Variants in ASB2 observed in about 807,000 individuals in gnomAD.
ASB2 encodes the protein ankyrin repeat and SOCS box containing 2, also known as ankyrin repeat and SOCS box protein 2.
A neutral mutation model predicts 62.4 loss-of-function variants in ASB2; 58 were observed. The ratio of observed to expected loss-of-function variants is 0.93; its 90% CI spans 0.75 to 1.16. The LOEUF (loss-of-function observed/expected upper bound fraction) is 1.16, where lower values mean the gene tolerates loss of function less well. Among genes scored for constraint, ASB2 ranks in the 50% most tolerant of loss-of-function variants. The pLI is 0.00. For synonymous variants in ASB2, 386 were observed against 385.3 expected (o/e 1.00, Z -0.02); for missense variants, 928 against 887.9 (o/e 1.05, Z -0.57).
intron 6 of ASB2, 75 bp from the exon 7 acceptor site, chr14:93,947,595 G>C (rs1457520740): frequency 2.0e-6 from 3 of 1,505,216 alleles, no homozygotes; most frequent in Non-Finnish European, 2.7e-6. Flanking sequence ...GCCACCGCGT[G>C]GTGGGCCTGC....
intron 7 of ASB2, 66 bp downstream of exon 7, chr14:93,947,282 TC>T (rs1888760962): frequency 1.9e-6 from 3 of 1,566,192 alleles, no homozygotes; most frequent in Non-Finnish European, 2.6e-6. Flanking sequence ...GGCCCACCCC[TC>T]CAATCCCCTA....
rs751939788 is a variant in ASB2, at chr14:93,953,301, C to A, written c.634+51G>T. 12 of 1,479,038 alleles carry A rather than the reference C, an allele frequency of 8.1e-6. No individual in the cohort carries two copies. The East Asian group carries it at 2.9e-4, about 36-fold the overall frequency. 91.6% of individuals were successfully genotyped at this position (1,479,038 alleles called of 1,614,324 possible). On this transcript the variant is annotated intron_variant, in intron 5 of 9. Coordinates refer to ENST00000555019, the MANE Select transcript of ASB2 (RefSeq NM_001202429.2). ...GGAGCAACATTCCCTGTTGCTCACC[C>A]AGCTTCTGGATTCTTCCGCAGGAAA...
intron 1 of ASB2, among the ~76,000 whole-genome samples, chr14:93,974,379 A>G (rs906371721): frequency 6.6e-6 from 1 of 152,252 alleles, no homozygotes; most frequent in African/African-American, 2.4e-5. Flanking sequence ...CTAAGGAAAG[A>G]GAACCACAGA....
At chr14:93,958,996 G>A (rs1205681304) in intron 2 of ASB2, among the ~76,000 whole-genome samples, 4 of 152,230 alleles carry the variant, frequency 2.6e-5, no homozygotes, top group Non-Finnish European at 5.9e-5. Flanking sequence ...GAGGTGGAGG[G>A]AGCTGGTGAT....
At chr14:93,962,153 C>T (rs1385255482) in intron 2 of ASB2, among the ~76,000 whole-genome samples, 1 of 100,446 alleles carries the variant, frequency 1.0e-5, no homozygotes, top group Non-Finnish European at 1.8e-5. Context: ...CTCGCTCTGT[C>T]GCCCAGGCTG....
At position 93,953,441 on chromosome 14, in the gene ASB2, C is replaced by T. The variant is rs1203594208; in HGVS notation, c.545G>A (p.Arg182Lys). 6.2e-7 allele frequency: 1 copy of T among 1,609,398 alleles called. No homozygotes were observed. Among genetic ancestry groups the T allele is most frequent in the East Asian group, 2.2e-5 (1 of 44,696 alleles). ...EETAVYLATC[R>K]GHLDCLLSLL... ...TGACAGGAGACAGTCCAGGTGGCCC[C>T]TGCACGTTGCCAAGTAAACGGCTGT... The change falls in exon 5 of 10, where the codon AGG (arginine) becomes AAG (lysine). Residue 182 changes from arginine (R) to lysine (K), a missense_variant. By Grantham distance (26) the Arg-to-Lys change is conservative. Coordinates refer to ENST00000555019, the MANE Select transcript of ASB2 (RefSeq NM_001202429.2).
chr14:93,957,143 C>T (rs1889254684), intron 2 of ASB2: 2 of 1,346,846 alleles, frequency 1.5e-6, no homozygotes, highest in Non-Finnish European at 1.9e-6. Context: ...ACCCCCCGGT[C>T]CCCCTCCCCA....
chr14:93,954,972 C>A, intron 3 of ASB2: 1 of 444,934 alleles, frequency 2.2e-6, no homozygotes. Flanking sequence ...AAATTTGAAG[C>A]CTTCACAGTT....
At chr14:93,942,325 TC>T (rs1447422018) in intron 7 of ASB2, 1 of 454,120 alleles carries the variant, frequency 2.2e-6, no homozygotes, top group African/African-American at 2.0e-5. Flanking sequence ...CCTTGTCCCC[TC>T]CCCAATGCAG....
In ASB2 at chr14:93,956,786, C is replaced by G; in HGVS notation, c.291G>C (p.Leu97Phe). 1.2e-6 allele frequency: 2 copies of G among 1,614,210 alleles called. No individual in the cohort carries two copies. The highest frequency in any genetic ancestry group is 4.5e-5 in the East Asian group (2 of 44,882). ...CTTACGCCAGCTGGGAGGTCTTGAACAAGCTGCTGCTGTATTTCTGCATGA... is the reference window on the plus strand; with the variant it reads ...CTTACGCCAGCTGGGAGGTCTTGAAGAAGCTGCTGCTGTATTTCTGCATGA... ...QGVMQKYSSS[L>F]FKTSQLAPAD... The change falls in exon 3 of 10, where the codon TTG (leucine) becomes TTC (phenylalanine). Residue 97 changes from leucine (L) to phenylalanine (F), a missense_variant. Transcript: ENST00000555019.
intron 3 of ASB2, among the ~76,000 whole-genome samples, chr14:93,956,521 G>GA (rs1325970310): frequency 1.4e-5 from 2 of 140,366 alleles, no homozygotes; most frequent in Admixed American, 7.0e-5. Flanking sequence ...GGGGGCATCT[G>GA]AGGGGGGGAT....
chr14:93,942,788 G>A (rs1888577206), intron 7 of ASB2, among the ~76,000 whole-genome samples: 1 of 152,226 alleles, frequency 6.6e-6, no homozygotes, highest in African/African-American at 2.4e-5. Context: ...GCCAGCGCAA[G>A]CATGTCACTT....
rs114562931 is a variant in ASB2, at chr14:93,953,563, A to G, written c.479-56T>C. The G allele has an allele frequency of 1.0e-3, 1,488 of 1,446,990 alleles. 13 individuals are homozygous for G. In the African/African-American group the frequency reaches 0.02, roughly 19 times the overall value. The allele number at this position is 1,446,990 out of a possible 1,614,324, so 89.6% of individuals were successfully genotyped here. A position where few individuals can be genotyped will look rare whatever the true frequency, so the allele number is the denominator to read the frequency against. On this transcript the variant is annotated intron_variant, in intron 4 of 9. Transcript: ENST00000555019. Reference sequence around the variant, plus strand: ...GGAGAAAGATACTCAGCCCCGCAACACAGAGGCTTTCCCGATTGCCTCCCA... The same window carrying G: ...GGAGAAAGATACTCAGCCCCGCAACGCAGAGGCTTTCCCGATTGCCTCCCA...
chr14:93,942,339 G>A (rs929773128), intron 7 of ASB2: 8 of 451,516 alleles, frequency 1.8e-5, no homozygotes, highest in Non-Finnish European at 3.6e-5. Flanking sequence ...CAATGCAGAG[G>A]CCACAACTAC....
intron 9 of ASB2, among the ~76,000 whole-genome samples, chr14:93,935,288 T>C (rs6575366): frequency 0.82 from 124,037 of 152,184 alleles, 50,843 homozygotes; most frequent in Middle Eastern, 0.93. Flanking sequence ...CGCCTCGAGC[T>C]CCAGAATCCC....
intron 6 of ASB2, among the ~76,000 whole-genome samples, chr14:93,947,942 C>T (rs546214615): frequency 2.1e-5 from 3 of 142,216 alleles, no homozygotes; most frequent in South Asian, 2.2e-4. Context: ...TGCAGTGAGC[C>T]GAGACTGCAC....
At chr14:93,975,101 C>T (rs1889876474) in intron 1 of ASB2, among the ~76,000 whole-genome samples, 1 of 152,280 alleles carries the variant, frequency 6.6e-6, no homozygotes, top group East Asian at 1.9e-4. Flanking sequence ...CTGTCTGCCT[C>T]ATGGTGCTTC....
At chr14:93,936,022 C>T (rs771666081) in intron 9 of ASB2, among the ~76,000 whole-genome samples, 1 of 152,168 alleles carries the variant, frequency 6.6e-6, no homozygotes, top group Non-Finnish European at 1.5e-5. Flanking sequence ...CCAGTTAGGA[C>T]ACTTTTTTAA....
At chr14:93,955,528 G>GT (rs1266861613) in intron 3 of ASB2, 1 of 182,222 alleles carries the variant, frequency 5.5e-6, no homozygotes, top group Non-Finnish European at 1.2e-5. Flanking sequence ...GAAAAGCCCA[G>GT]TGGGGGTATG....
Sources: allele counts gnomAD v4.1 joint callset (sites outside exome capture counted in the v4.1 genomes callset), GRCh38; gene constraint gnomAD v4.1.1; transcripts MANE v1.5; gene names NCBI Gene and HGNC (gene_info 2026-07-23, HGNC 2026-07-21).